Variants in CFAP46 observed in about 807,000 individuals in gnomAD.
CFAP46 encodes the protein cilia and flagella associated protein 46, also known as cilia- and flagella-associated protein 46.
A neutral mutation model predicts 325.7 loss-of-function variants in CFAP46; 245 were observed. The observed-to-expected ratio is 0.75, with a 90% CI of 0.68 to 0.84. CFAP46 has a LOEUF of 0.84. CFAP46 is among the 40% of genes least tolerant of loss of function. The pLI is 0.00. For synonymous variants in CFAP46, 1,523 were observed against 1,495.9 expected, an observed-to-expected ratio of 1.02 and a Z score of -0.42; for missense variants, 3,346 against 3,543.0, an observed-to-expected ratio of 0.94 and a Z score of 1.41.
chr10:132,849,806 G>A (rs1428240543), intron 41 of CFAP46, among the ~76,000 whole-genome samples: 1 of 152,192 alleles, frequency 6.6e-6, no homozygotes, highest in Non-Finnish European at 1.5e-5. Flanking sequence ...CACTGGCATG[G>A]GGGCCACGGC....
At chr10:132,931,769 T>C (rs1849909968) in intron 8 of CFAP46, among the ~76,000 whole-genome samples, 1 of 101,648 alleles carries the variant, frequency 9.8e-6, no homozygotes, top group African/African-American at 3.9e-5. Flanking sequence ...TGGGCCTTCC[T>C]CCTTGCCACA....
rs184323302 is a variant in CFAP46, at chr10:132,828,335, C to T, written c.7117+5023G>A. ...TTCCCACCAGCCGAGTATGAGGGTT[C>T]CGGTTCCACACCCTCCCAACACGCG... On this transcript the variant is annotated intron_variant, in intron 50 of 57. Transcript: ENST00000368586. The surrounding 1 kb of genome is among the most constrained non-coding windows in gnomAD (Gnocchi z 4.9). 6.6e-6 allele frequency among the ~76,000 whole-genome samples: 1 copy of T among 152,342 alleles called. No homozygotes were observed. The highest frequency in any genetic ancestry group is 6.5e-5 in the Admixed American group (1 of 15,310).
chr10:132,888,817 G>C (rs1180628364), intron 25 of CFAP46, among the ~76,000 whole-genome samples: 1 of 54,942 alleles, frequency 1.8e-5, no homozygotes, highest in Non-Finnish European at 3.5e-5. Flanking sequence ...CTTCACCCCT[G>C]CCGCCTGCAC....
intron 50 of CFAP46, among the ~76,000 whole-genome samples, chr10:132,818,949 A>G (rs971186254): frequency 2.1e-4 from 32 of 152,310 alleles, no homozygotes; most frequent in African/African-American, 7.5e-4. Flanking sequence ...TCTTATATAT[A>G]CAAGACCTCA....
chr10:132,834,355 T>C (rs3793689), intron 48 of CFAP46, among the ~76,000 whole-genome samples: 42,742 of 152,028 alleles, frequency 0.28, 7,217 homozygotes, highest in Admixed American at 0.46. Context: ...CCCTCTGCCT[T>C]CCTTCCCACC....
intron 6 of CFAP46, chr10:132,937,296 T>C (rs2043654778): frequency 1.8e-6 from 1 of 552,154 alleles, no homozygotes; most frequent in Non-Finnish European, 3.1e-6. Flanking sequence ...TCAAAGCTAT[T>C]ACAAAGGAAA....
intron 6 of CFAP46, 80 bp downstream of exon 6, chr10:132,937,472 G>T (rs770083324): frequency 6.4e-7 from 1 of 1,553,306 alleles, no homozygotes; most frequent in Non-Finnish European, 8.8e-7. Flanking sequence ...GCAAACTTAT[G>T]TAATTTCTAC....
chr10:132,813,150 G>A (rs1200643420), intron 54 of CFAP46, among the ~76,000 whole-genome samples: 1 of 152,110 alleles, frequency 6.6e-6, no homozygotes, highest in African/African-American at 2.4e-5. Context: ...ACCCCTACTC[G>A]GGCGGGGCTC....
rs930729433 is a variant in CFAP46 at position 132,817,276 on chromosome 10, C to T, written c.7118-2362G>A. 2.0e-5 allele frequency among the ~76,000 whole-genome samples: 3 copies of T among 152,194 alleles called. No homozygotes were observed. The highest frequency in any genetic ancestry group is 4.4e-5 in the Non-Finnish European group (3 of 68,050). ...TCTGTTTCCTCTGAGAGTCAGACACCGGCCCTCCGGGTTACTCTTAAATAT... is the reference window on the plus strand; with the variant it reads ...TCTGTTTCCTCTGAGAGTCAGACACTGGCCCTCCGGGTTACTCTTAAATAT... On this transcript the variant is annotated intron_variant, in intron 50 of 57. Coordinates refer to ENST00000368586, the MANE Select transcript of CFAP46 (RefSeq NM_001200049.3). This position sits in a 1 kb window ranked among gnomAD's most constrained non-coding sequence, Gnocchi z 4.4.
chr10:132,893,418 C>A (rs1323187184), intron 24 of CFAP46, among the ~76,000 whole-genome samples: 1 of 152,220 alleles, frequency 6.6e-6, no homozygotes, highest in Non-Finnish European at 1.5e-5. Context: ...ACGCCACTTG[C>A]AGCGGGGAGG....
chr10:132,826,591 G>T (rs1591038567), intron 50 of CFAP46, among the ~76,000 whole-genome samples: 1 of 120,894 alleles, frequency 8.3e-6, no homozygotes, highest in South Asian at 3.4e-4. Context: ...AGCCAGGGAG[G>T]AGCCGGAGCC....
chr10:132,927,111 A>G (rs1437270268), intron 9 of CFAP46, among the ~76,000 whole-genome samples: 2 of 152,018 alleles, frequency 1.3e-5, no homozygotes, highest in Admixed American at 1.3e-4. Context: ...TGGCCTTACA[A>G]AAGCTGGGGA....
At chr10:132,899,265 G>A (rs1482799879) in intron 23 of CFAP46, 144 bp from the exon 24 acceptor site, 2 of 1,035,052 alleles carry the variant, frequency 1.9e-6, no homozygotes, top group East Asian at 2.6e-5. Context: ...AGGAGTCCCT[G>A]CTGCATCCTT....
intron 34 of CFAP46, among the ~76,000 whole-genome samples, chr10:132,866,398 C>T (rs1750191911): frequency 6.6e-6 from 1 of 152,208 alleles, no homozygotes; most frequent in South Asian, 2.1e-4. Context: ...GCACCCTGGG[C>T]ACCTCTCTTT....
Position 132,832,391 on chromosome 10 carries a change from C to CG in CFAP46, c.7117+966_7117+967insC, listed in dbSNP as rs899657269. On this transcript the variant is annotated intron_variant, in intron 50 of 57. Coordinates refer to ENST00000368586, the MANE Select transcript of CFAP46 (RefSeq NM_001200049.3). This position sits in a 1 kb window ranked among gnomAD's most constrained non-coding sequence, Gnocchi z 4.1. Reference sequence around the variant, plus strand: ...CGGAGACCCCTGGGCTCTTCCTGCCCCCCCCCCCCAATGCTGTGGCCTGGA... The same window carrying CG: ...CGGAGACCCCTGGGCTCTTCCTGCCCGCCCCCCCCCAATGCTGTGGCCTGGA... Among the ~76,000 whole-genome samples the CG allele has an allele frequency of 2.4e-4, 32 of 135,282 alleles. 1 individual carries two copies. The highest frequency in any genetic ancestry group is 5.8e-4 in the South Asian group (2 of 3,466). The allele number at this position is 135,282 out of a possible 152,430, so 88.8% of individuals were successfully genotyped here.
At chr10:132,840,698 T>C (rs1019718510) in intron 44 of CFAP46, among the ~76,000 whole-genome samples, 37 of 152,216 alleles carry the variant, frequency 2.4e-4, no homozygotes, top group African/African-American at 8.4e-4. Flanking sequence ...CTTTGACTAA[T>C]TTGATCATCG....
In CFAP46 at chr10:132,819,979, A is replaced by G. The variant is rs571505106; in HGVS notation, c.7118-5065T>C. ...ATGGAGTGGGAGAAAATGAATGTAG[A>G]ATGTATATTTGATAAGGGATCAATA... On this transcript the variant is annotated intron_variant, in intron 50 of 57. Transcript: ENST00000368586. Among the ~76,000 whole-genome samples, 41 of 152,364 alleles carry G rather than the reference A, an allele frequency of 2.7e-4. No homozygotes were observed. The South Asian group carries it at 5.4e-3, about 20-fold the overall frequency.
intron 50 of CFAP46, among the ~76,000 whole-genome samples, chr10:132,821,583 CTGTG>C (rs1406294202): frequency 1.9e-5 from 2 of 103,270 alleles, no homozygotes; most frequent in African/African-American, 4.1e-5. Context: ...CTGATGTGTG[CTGTG>C]TGTGTGCTGT....
At chr10:132,840,336 C>G (rs1848329221) in intron 44 of CFAP46, among the ~76,000 whole-genome samples, 1 of 152,204 alleles carries the variant, frequency 6.6e-6, no homozygotes, top group African/African-American at 2.4e-5. Context: ...GGAAACTTGC[C>G]TTTTCCCTTT....
Sources: gnomAD v4.1 joint callset for allele counts (sites outside exome capture counted in the v4.1 genomes callset) on GRCh38, gnomAD v4.1.1 for gene constraint, Gnocchi (gnomAD v3.1) non-coding constraint, MANE v1.5 for transcripts, NCBI Gene and HGNC (gene_info 2026-07-23, HGNC 2026-07-21) for gene names.